Variants in MTARC2 observed in about 807,000 individuals in gnomAD.
MTARC2 encodes mitochondrial amidoxime reducing component 2.
Under a neutral mutation model 35.6 loss-of-function variants are expected in MTARC2, and 27 were observed. The ratio of observed to expected loss-of-function variants is 0.76; its 90% CI spans 0.56 to 1.04. The LOEUF (loss-of-function observed/expected upper bound fraction) is 1.04. MTARC2 is among the 50% of genes least tolerant of loss of function. The pLI is 0.00. For synonymous variants in MTARC2, 158 were observed against 167.1 expected, an observed-to-expected ratio of 0.95 and a Z score of 0.42; for missense variants, 412 against 432.5, an observed-to-expected ratio of 0.95 and a Z score of 0.42.
At chr1:220,758,550 G>A (rs1474704523) in intron 2 of MTARC2, among the ~76,000 whole-genome samples, 1 of 151,946 alleles carries the variant, frequency 6.6e-6, no homozygotes. Context: ...CTCCTGAGTA[G>A]CTGGGACTAC....
intron 4 of MTARC2, among the ~76,000 whole-genome samples, chr1:220,774,943 C>CTGTGAGAGTGTGTGTGTG (rs1279896618): frequency 1.7e-4 from 25 of 149,998 alleles, no homozygotes; most frequent in African/African-American, 6.1e-4. Context: ...CTATATAGAC[C>CTGTGAGAGTGTGTGTGTG]CGTGTGTGTG....
chr1:220,776,481 TA>T (rs1247933500), intron 4 of MTARC2, among the ~76,000 whole-genome samples: 1 of 152,154 alleles, frequency 6.6e-6, no homozygotes, highest in Non-Finnish European at 1.5e-5. Flanking sequence ...CATTTAAACT[TA>T]ATTAGCATAG....
intron 2 of MTARC2, among the ~76,000 whole-genome samples, chr1:220,756,924 C>T (rs373939022): frequency 5.3e-4 from 80 of 152,306 alleles, no homozygotes; most frequent in Admixed American, 2.3e-3. Context: ...TTTTTTGAGA[C>T]GGAGTTTTGC....
intron 7 of MTARC2, 52 bp downstream of exon 7, chr1:220,781,984 T>G: frequency 2.8e-6 from 4 of 1,438,596 alleles, no homozygotes; most frequent in Non-Finnish European, 2.8e-6. Flanking sequence ...CATTGCTGCA[T>G]TTTCTTGTGT....
chr1:220,777,409 C>A (rs1022710155), intron 4 of MTARC2, among the ~76,000 whole-genome samples: 1 of 152,148 alleles, frequency 6.6e-6, no homozygotes. Context: ...TGGTCATCAG[C>A]GGCAGAGGGA....
intron 4 of MTARC2, among the ~76,000 whole-genome samples, chr1:220,765,823 C>T (rs1039110806): frequency 6.6e-6 from 1 of 152,214 alleles, no homozygotes; most frequent in African/African-American, 2.4e-5. Flanking sequence ...CTCAAGCAAT[C>T]TGCCTGTCTT....
intron 6 of MTARC2, among the ~76,000 whole-genome samples, chr1:220,780,702 C>T (rs918405274): frequency 6.6e-6 from 1 of 152,090 alleles, no homozygotes; most frequent in African/African-American, 2.4e-5. Context: ...CGCCTGCCTC[C>T]CAACATGCTG....
At chr1:220,774,196 A>G (rs538063932) in intron 4 of MTARC2, among the ~76,000 whole-genome samples, 95 of 152,046 alleles carry the variant, frequency 6.2e-4, no homozygotes, top group Admixed American at 1.8e-3. Context: ...TCTCCTGAGT[A>G]GTTAGGACCA....
At chr1:220,761,154 G>A (rs12041956) in intron 2 of MTARC2, among the ~76,000 whole-genome samples, 2,039 of 152,310 alleles carry the variant, frequency 0.013, 33 homozygotes, top group East Asian at 0.06. Context: ...ACGTAGGTAG[G>A]TACCATATAA....
chr1:220,783,497 A>G (rs944822134), intron 7 of MTARC2, among the ~76,000 whole-genome samples: 6 of 152,198 alleles, frequency 3.9e-5, no homozygotes. Context: ...AGGGAGCCCA[A>G]TGGCTGTGAG....
intron 6 of MTARC2, among the ~76,000 whole-genome samples, chr1:220,780,909 T>C (rs1016594738): frequency 5.3e-5 from 8 of 151,898 alleles, no homozygotes; most frequent in African/African-American, 1.9e-4. Flanking sequence ...TATCAAGGAA[T>C]ATGAGAATAA....
intron 4 of MTARC2, among the ~76,000 whole-genome samples, chr1:220,772,678 G>A (rs1671775941): frequency 6.6e-6 from 1 of 151,318 alleles, no homozygotes; most frequent in Admixed American, 6.6e-5. Flanking sequence ...AGGCACTCTG[G>A]GCAGGGTGTG....
intron 2 of MTARC2, among the ~76,000 whole-genome samples, chr1:220,756,109 C>G (rs527594040): frequency 2.0e-5 from 3 of 152,318 alleles, no homozygotes; most frequent in Admixed American, 1.3e-4. Flanking sequence ...AGACACACCT[C>G]AGGCCTTGGC....
rs57739324 is a variant in MTARC2, at chr1:220,769,934, CAAAAA to C, written c.750+6903_750+6907del. On this transcript the variant is annotated intron_variant, in intron 4 of 7. Coordinates refer to ENST00000366913, the MANE Select transcript of MTARC2 (RefSeq NM_017898.5). ...TGAAACTCCATCTCTACTAAAAATA[CAAAAA>C]AAAAAAAAAAAAAAAAAATTAAGCG... 1.6e-4 allele frequency among the ~76,000 whole-genome samples: 10 copies of C among 63,420 alleles called. No homozygotes were observed. The South Asian group carries it at 2.4e-3, about 15-fold the overall frequency. The allele number at this position is 63,420 out of a possible 152,430, so 41.6% of individuals were successfully genotyped here.
At chr1:220,762,632 G>C (rs1351661435) in intron 3 of MTARC2, among the ~76,000 whole-genome samples, 1 of 152,188 alleles carries the variant, frequency 6.6e-6, no homozygotes, top group African/African-American at 2.4e-5. Context: ...GGGGAAGGGG[G>C]TCGCTGCTGG....
chr1:220,761,620 T>A (rs1271323050), intron 2 of MTARC2, 38 bp from the exon 3 acceptor site: 5 of 1,581,828 alleles, frequency 3.2e-6, no homozygotes, highest in Non-Finnish European at 4.3e-6. Flanking sequence ...TGTATTGATA[T>A]AAGTAAGTAA....
intron 4 of MTARC2, among the ~76,000 whole-genome samples, chr1:220,778,497 G>A (rs2102570933): frequency 6.6e-6 from 1 of 152,210 alleles, no homozygotes; most frequent in African/African-American, 2.4e-5. Context: ...CAGCACCAAG[G>A]TGGTGGTGCT....
At chr1:220,774,822 C>T (rs1211065158) in intron 4 of MTARC2, among the ~76,000 whole-genome samples, 1 of 151,854 alleles carries the variant, frequency 6.6e-6, no homozygotes, top group Non-Finnish European at 1.5e-5. Flanking sequence ...CCTGACTGTG[C>T]ACTCTCTCTG....
At chr1:220,750,951 C>T (rs968607068) in intron 1 of MTARC2, among the ~76,000 whole-genome samples, 1 of 152,142 alleles carries the variant, frequency 6.6e-6, no homozygotes, top group African/African-American at 2.4e-5. Flanking sequence ...GTCTCATTTG[C>T]AAAAGAATGA....
Sources: allele counts gnomAD v4.1 joint callset (sites outside exome capture counted in the v4.1 genomes callset), GRCh38; gene constraint gnomAD v4.1.1; transcripts MANE v1.5; gene names NCBI Gene and HGNC (gene_info 2026-07-23, HGNC 2026-07-21).